Variants in ZNF470 observed in about 807,000 individuals in gnomAD.
ZNF470 encodes the protein chondrogenesis zinc finger protein 1.
ZNF470 carries 13 observed loss-of-function variants against 13.9 expected under a neutral mutation model. That is an observed-to-expected ratio of 0.94 (90% CI 0.61 to 1.49). The LOEUF (loss-of-function observed/expected upper bound fraction) is 1.49, where lower values mean the gene tolerates loss of function less well. Ranked by LOEUF, ZNF470 falls within the 40% of genes most tolerant of loss-of-function variation. ZNF470 has a pLI of 0.00. For missense variants in ZNF470, 929 were observed against 857.3 expected (o/e 1.08, Z -1.04); for synonymous variants, 293 against 282.9 (o/e 1.04, Z -0.36).
chr19:56,576,482 A>G (rs1258896969), intron 5 of ZNF470, among the ~76,000 whole-genome samples: 1 of 152,212 alleles, frequency 6.6e-6, no homozygotes, highest in Non-Finnish European at 1.5e-5. Context: ...TCAATTATCA[A>G]TATTGGTTCA....
chr19:56,573,174 C>A (rs1396278559), intron 3 of ZNF470, among the ~76,000 whole-genome samples: 1 of 152,102 alleles, frequency 6.6e-6, no homozygotes. Flanking sequence ...AATGTTTCAC[C>A]TGTTCTTCTT....
rs2044538675 is a variant in ZNF470, at chr19:56,581,838, A to G, written c.*3255A>G. 1.0e-6 allele frequency: 1 copy of G among 985,280 alleles called. No individual in the cohort carries two copies. The highest frequency in any genetic ancestry group is 1.2e-6 in the Non-Finnish European group (1 of 829,944). The allele number at this position is 985,280 out of a possible 1,614,324, so 61.0% of individuals were successfully genotyped here. A position where few individuals can be genotyped will look rare whatever the true frequency, so the allele number is the denominator to read the frequency against. Reference sequence around the variant, plus strand: ...CCAATAAAATTGTCTCTGAATTTCAAAAGGCATTTGGATCTGTGTCATCCA... The same window carrying G: ...CCAATAAAATTGTCTCTGAATTTCAGAAGGCATTTGGATCTGTGTCATCCA... On this transcript the variant is annotated 3_prime_UTR_variant, in exon 6 of 6. Transcript: ENST00000330619.
chr19:56,576,853 G>A lies in ZNF470; in HGVS notation c.424G>A (p.Glu142Lys), dbSNP rs1483489799. Residue 142 changes from glutamate to lysine, a missense_variant, in exon 6 of 6, where the codon GAA becomes AAA. Coordinates refer to ENST00000330619, the MANE Select transcript of ZNF470 (RefSeq NM_001001668.4). ...CSTLGKNWKC[E>K]DLFERELVNQ... ...AACATTAGGGAAAAACTGGAAATGT[G>A]AAGACTTGTTTGAGAGGGAGCTTGT... The A allele has an allele frequency of 1.3e-6, 2 of 1,596,226 alleles. No homozygotes were observed. The highest frequency in any genetic ancestry group is 3.7e-5 in the Admixed American group (2 of 54,716).
At position 56,579,721 on chromosome 19, in the gene ZNF470, C is replaced by A. The variant is rs916842984; in HGVS notation, c.*1138C>A. On this transcript the variant is annotated 3_prime_UTR_variant, in exon 6 of 6. Coordinates refer to ENST00000330619, the MANE Select transcript of ZNF470 (RefSeq NM_001001668.4). Reference sequence around the variant, plus strand: ...AATTAGTTTCTGAATGTAGATGTTACAACTTAAACTTATTTTTAAAATATT... The same window carrying A: ...AATTAGTTTCTGAATGTAGATGTTAAAACTTAAACTTATTTTTAAAATATT... 1.1e-5 allele frequency: 11 copies of A among 982,586 alleles called. No homozygotes were observed. The highest frequency in any genetic ancestry group is 1.2e-5 in the Non-Finnish European group (10 of 827,412). 60.9% of individuals were successfully genotyped at this position (982,586 alleles called of 1,614,324 possible).
intron 3 of ZNF470, 123 bp from the exon 4 acceptor site, chr19:56,574,271 C>T (rs200840729): frequency 3.7e-5 from 53 of 1,427,294 alleles, no homozygotes; most frequent in Admixed American, 1.8e-4. Context: ...CATTTAGACC[C>T]TTAGTGCAGT....
chr19:56,580,759 C>T lies in ZNF470; in HGVS notation c.*2176C>T. 1 of 767,618 alleles carries T rather than the reference C, an allele frequency of 1.3e-6. No individual in the cohort carries two copies. The highest frequency in any genetic ancestry group is 1.6e-6 in the Non-Finnish European group (1 of 631,672). 47.6% of individuals were successfully genotyped at this position (767,618 alleles called of 1,614,324 possible). A position where few individuals can be genotyped will look rare whatever the true frequency, so the allele number is the denominator to read the frequency against. Reference sequence around the variant, plus strand: ...CCCTCTTCACTTCTGCTGATAGAAGCATAATGGCTAGGGGATGGGTAGTCT... The same window carrying T: ...CCCTCTTCACTTCTGCTGATAGAAGTATAATGGCTAGGGGATGGGTAGTCT... On this transcript the variant is annotated 3_prime_UTR_variant, in exon 6 of 6. Coordinates refer to ENST00000330619, the MANE Select transcript of ZNF470 (RefSeq NM_001001668.4).
chr19:56,579,031 A>G lies in ZNF470; in HGVS notation c.*448A>G, dbSNP rs914430415. ...CTCAGAATTGAAAGATTTATGGTAC[A>G]CAAGGTAACATGGTGGCTTATCACT... On this transcript the variant is annotated 3_prime_UTR_variant, in exon 6 of 6. Transcript: ENST00000330619. 1.0e-6 allele frequency: 1 copy of G among 982,634 alleles called. No individual in the cohort carries two copies. Among genetic ancestry groups the G allele is most frequent in the Admixed American group, 6.1e-5 (1 of 16,304 alleles). The allele number at this position is 982,634 out of a possible 1,614,324, so 60.9% of individuals were successfully genotyped here. A position where few individuals can be genotyped will look rare whatever the true frequency, so the allele number is the denominator to read the frequency against.
intron 3 of ZNF470, 101 bp downstream of exon 3, chr19:56,570,472 C>A: frequency 8.7e-7 from 1 of 1,142,938 alleles, no homozygotes; most frequent in Non-Finnish European, 1.3e-6. Flanking sequence ...GAGTTCCACC[C>A]TGAGGCCTGT....
At chr19:56,576,661 CATT>C (rs2044490391) in intron 5 of ZNF470, 49 bp from the exon 6 acceptor site, 4 of 1,342,628 alleles carry the variant, frequency 3.0e-6, no homozygotes, top group Admixed American at 2.8e-5. Context: ...TCGAAATTTC[CATT>C]ATTCTAGCAT....
chr19:56,577,463 G>A lies in ZNF470; in HGVS notation c.1034G>A (p.Cys345Tyr). 6.2e-7 allele frequency: 1 copy of A among 1,613,670 alleles called. No homozygotes were observed. The highest frequency in any genetic ancestry group is 8.5e-7 in the Non-Finnish European group (1 of 1,179,594). ...GAGAAACCCTATGAATGTATTGAAT[G>A]TGGGAAGGCTTTTAGTGATTGCTCA... ...TGEKPYECIE[C>Y]GKAFSDCSSL... is the part of the protein sequence containing the mutation. Residue 345 changes from cysteine (C) to tyrosine (Y), a missense_variant, in exon 6 of 6, where the codon TGT (cysteine) becomes TAT (tyrosine). By Grantham distance (194) the Cys-to-Tyr change is radical. Transcript: ENST00000330619.
At position 56,577,998 on chromosome 19, in the gene ZNF470, C is replaced by A. The variant is rs755678900; in HGVS notation, c.1569C>A (p.His523Gln). The change falls in exon 6 of 6, where the codon CAC becomes CAA. Residue 523 changes from histidine (H) to glutamine (Q), a missense_variant. By Grantham distance (24) the His-to-Gln change is conservative (BLOSUM62 0). Coordinates refer to ENST00000330619, the MANE Select transcript of ZNF470 (RefSeq NM_001001668.4). ...GCAAAACCTTCAGCCAGAATGCACA[C>A]CTCGCGCAACATCAGAAAATACACA... ...ECSKTFSQNA[H>Q]LAQHQKIHTG... The A allele has an allele frequency of 8.7e-6, 14 of 1,613,030 alleles. No homozygotes were observed. The highest frequency in any genetic ancestry group is 1.1e-5 in the Non-Finnish European group (13 of 1,179,426).
chr19:56,578,257 T>G lies in ZNF470; in HGVS notation c.1828T>G (p.Cys610Gly), dbSNP rs762651779. 5.6e-6 allele frequency: 9 copies of G among 1,613,458 alleles called. No homozygotes were observed. In the East Asian group the frequency reaches 2.0e-4, roughly 36 times the overall value. Residue 610 changes from cysteine (C) to glycine (G), a missense_variant, in exon 6 of 6, where the codon TGT becomes GGT. By Grantham distance (159) the Cys-to-Gly change is radical. Coordinates refer to ENST00000330619, the MANE Select transcript of ZNF470 (RefSeq NM_001001668.4). Reference sequence around the variant, plus strand: ...ATTCAGGCAGAGGGCATCCTTGATTTGTCATCAGAGATGTCATACTGGTGA... The same window carrying G: ...ATTCAGGCAGAGGGCATCCTTGATTGGTCATCAGAGATGTCATACTGGTGA... ...KAFRQRASLI[C>G]HQRCHTGEKP...
chr19:56,575,806 T>C (rs2044484543), intron 5 of ZNF470, among the ~76,000 whole-genome samples: 1 of 152,022 alleles, frequency 6.6e-6, no homozygotes, highest in Non-Finnish European at 1.5e-5. Context: ...AACAAGAGGA[T>C]TGTGGGTTAC....
chr19:56,579,078 A>T lies in ZNF470; in HGVS notation c.*495A>T. ...CACTCCCTCTGTGACATTGTTGATG[A>T]GCAACTCTCACTTTACCTGACACTG... is the stretch of plus-strand genomic sequence containing the variant. On this transcript the variant is annotated 3_prime_UTR_variant, in exon 6 of 6. Coordinates refer to ENST00000330619, the MANE Select transcript of ZNF470 (RefSeq NM_001001668.4). The T allele has an allele frequency of 1.0e-6, 1 of 985,704 alleles. No homozygotes were observed. 61.1% of individuals were successfully genotyped at this position (985,704 alleles called of 1,614,324 possible). A position where few individuals can be genotyped will look rare whatever the true frequency, so the allele number is the denominator to read the frequency against.
Position 56,577,496 on chromosome 19 carries a change from CTCA to C in ZNF470, c.1073_1075del (p.His358del). 1 of 1,613,412 alleles carries C rather than the reference CTCA, an allele frequency of 6.2e-7. No homozygotes were observed. Among genetic ancestry groups the C allele is most frequent in the Non-Finnish European group, 8.5e-7 (1 of 1,179,510 alleles). On this transcript the variant is annotated inframe_deletion, in exon 6 of 6. Transcript: ENST00000330619. ...GCTTTTAGTGATTGCTCATCCCTAG[CTCA>C]TCATCGAAGGATTCACACTGGGAAA...
At chr19:56,575,992 T>A (rs1032266480) in intron 5 of ZNF470, among the ~76,000 whole-genome samples, 1 of 152,094 alleles carries the variant, frequency 6.6e-6, no homozygotes, top group East Asian at 1.9e-4. Context: ...GTAGCGCTAC[T>A]GAAAATAAAG....
chr19:56,581,471 A>G lies in ZNF470; in HGVS notation c.*2888A>G, dbSNP rs1568497917. On this transcript the variant is annotated 3_prime_UTR_variant, in exon 6 of 6. Coordinates refer to ENST00000330619, the MANE Select transcript of ZNF470 (RefSeq NM_001001668.4). ...GTAGATAAATGTATTAGTGGCAAAA[A>G]AATTAATGGTAAACTATTAAAACAA... is the stretch of plus-strand genomic sequence containing the variant. 1 of 935,470 alleles carries G rather than the reference A, an allele frequency of 1.1e-6. No homozygotes were observed. Among genetic ancestry groups the G allele is most frequent in the Non-Finnish European group, 1.3e-6 (1 of 784,620 alleles). 57.9% of individuals were successfully genotyped at this position (935,470 alleles called of 1,614,324 possible). A position where few individuals can be genotyped will look rare whatever the true frequency, so the allele number is the denominator to read the frequency against.
rs1190021870 is a variant in ZNF470, at chr19:56,578,321, G to A, written c.1892G>A (p.Ser631Asn). Residue 631 changes from serine to asparagine, a missense_variant, in exon 6 of 6, where the codon AGC (serine) becomes AAC (asparagine). Coordinates refer to ENST00000330619, the MANE Select transcript of ZNF470 (RefSeq NM_001001668.4). ...TGTAATGTTTGTGGGAAAGCCTTTA[G>A]CCATCGTAAATCCCTTACTCTGCAT... ...YECNVCGKAF[S>N]HRKSLTLHQR... The A allele has an allele frequency of 3.1e-6, 5 of 1,613,114 alleles. No individual in the cohort carries two copies. The highest frequency in any genetic ancestry group is 4.2e-6 in the Non-Finnish European group (5 of 1,179,510).
chr19:56,579,758 A>G lies in ZNF470; in HGVS notation c.*1175A>G, dbSNP rs535157801. 8 of 965,434 alleles carry G rather than the reference A, an allele frequency of 8.3e-6. No individual in the cohort carries two copies. In the African/African-American group the frequency reaches 1.2e-4, roughly 15 times the overall value. 59.8% of individuals were successfully genotyped at this position (965,434 alleles called of 1,614,324 possible). A position where few individuals can be genotyped will look rare whatever the true frequency, so the allele number is the denominator to read the frequency against. On this transcript the variant is annotated 3_prime_UTR_variant, in exon 6 of 6. Coordinates refer to ENST00000330619, the MANE Select transcript of ZNF470 (RefSeq NM_001001668.4). ...ATTTTTAAAATATTTAAAAATAGGA[A>G]GGCTAGACATGCCTCTGTATAGAAA... is the stretch of plus-strand genomic sequence containing the variant.
Sources: allele counts gnomAD v4.1 joint callset (sites outside exome capture counted in the v4.1 genomes callset), GRCh38; gene constraint gnomAD v4.1.1; transcripts MANE v1.5; gene names NCBI Gene and HGNC (gene_info 2026-07-23, HGNC 2026-07-21).